ELN: variants seen among roughly 807,000 people sequenced by gnomAD.
ELN encodes the protein tropoelastin.
Under a neutral mutation model 105.8 loss-of-function variants are expected in ELN, and 65 were observed. The ratio of observed to expected loss-of-function variants is 0.61; its 90% CI spans 0.50 to 0.75. ELN has a LOEUF of 0.75. Ranked by LOEUF, ELN falls within the 30% of genes least tolerant of loss-of-function variation. ELN has a pLI of 0.00. For missense variants in ELN, 882 were observed against 969.4 expected (o/e 0.91, Z 1.20); for synonymous variants, 368 against 389.2 (o/e 0.95, Z 0.64).
chr7:74,051,876 G>A (rs782141485), intron 16 of ELN, 37 bp downstream of exon 16: 1 of 1,614,198 alleles, frequency 6.2e-7, no homozygotes, highest in Admixed American at 1.7e-5. Flanking sequence ...GTGTGTCCTT[G>A]AGATGGCCAC....
intron 1 of ELN, among the ~76,000 whole-genome samples, chr7:74,033,250 C>G (rs1283238826): frequency 6.6e-6 from 1 of 152,216 alleles, no homozygotes; most frequent in African/African-American, 2.4e-5. Flanking sequence ...GCTCTTCCCC[C>G]CACCTCCACC....
rs1474413551 is a variant in ELN at position 74,069,281 on chromosome 7, G to T, written c.*581G>T. On this transcript the variant is annotated 3_prime_UTR_variant, in exon 33 of 33. Transcript: ENST00000252034. ...TTCCCCACATCTGGGGCGCTTTTGG[G>T]TTGGAAAACCACCCCACACTGGGAA... is the stretch of plus-strand genomic sequence containing the variant. 4.2e-6 allele frequency: 1 copy of T among 237,602 alleles called. No homozygotes were observed. The highest frequency in any genetic ancestry group is 2.2e-5 in the African/African-American group (1 of 45,346). The allele number at this position is 237,602 out of a possible 1,614,324, so 14.7% of individuals were successfully genotyped here.
chr7:74,066,866 T>A, intron 32 of ELN, 90 bp downstream of exon 32: 1 of 1,445,958 alleles, frequency 6.9e-7, no homozygotes, highest in Non-Finnish European at 9.6e-7. Flanking sequence ...TCAGAAGGGC[T>A]GAGCCAGCAC....
At chr7:74,059,429 C>T in intron 22 of ELN, 1 of 256,164 alleles carries the variant, frequency 3.9e-6, no homozygotes, top group Non-Finnish European at 7.6e-6. Flanking sequence ...CAACTATAAT[C>T]CCAGAACTTT....
chr7:74,045,325 C>T, intron 10 of ELN, 32 bp downstream of exon 10: 1 of 1,612,216 alleles, frequency 6.2e-7, no homozygotes, highest in East Asian at 2.2e-5. Flanking sequence ...GGGCTGATGG[C>T]AGGGACTCTC....
intron 15 of ELN, among the ~76,000 whole-genome samples, chr7:74,048,869 A>C (rs1239699410): frequency 1.3e-5 from 2 of 151,392 alleles, no homozygotes; most frequent in Non-Finnish European, 2.9e-5. Context: ...TCATCCGTCC[A>C]TTCATTCATC....
rs1225397630 is a variant in ELN, at chr7:74,050,321, G to T, written c.800-1429G>T. ...TTCCTCCATGCATCCATTCCTCCAT[G>T]CATCCATCTATCCATCCATCCATTC... is the stretch of plus-strand genomic sequence containing the variant. On this transcript the variant is annotated intron_variant, in intron 15 of 32. Transcript: ENST00000252034. Among the ~76,000 whole-genome samples, 3 of 116,742 alleles carry T rather than the reference G, an allele frequency of 2.6e-5. No homozygotes were observed. In the South Asian group the frequency reaches 8.4e-4, roughly 33 times the overall value. The allele number at this position is 116,742 out of a possible 152,430, so 76.6% of individuals were successfully genotyped here.
At chr7:74,047,531 C>T (rs898104122) in intron 12 of ELN, 144 bp from the exon 13 acceptor site, 3 of 1,134,306 alleles carry the variant, frequency 2.6e-6, no homozygotes, top group East Asian at 2.4e-5. Context: ...CACCCAGCGC[C>T]TTTGCTCTCC....
intron 4 of ELN, 58 bp downstream of exon 4, chr7:74,037,797 C>T (rs2131270114): frequency 6.3e-7 from 1 of 1,593,054 alleles, no homozygotes; most frequent in East Asian, 2.3e-5. Flanking sequence ...GAGGGAGGAG[C>T]CTACCCAGCT....
intron 15 of ELN, 62 bp downstream of exon 15, chr7:74,048,618 A>G: frequency 6.2e-7 from 1 of 1,602,590 alleles, no homozygotes; most frequent in Non-Finnish European, 8.5e-7. Context: ...CATTCCCATT[A>G]CTATTGACAG....
At position 74,068,712 on chromosome 7, in the gene ELN, C is replaced by T. The variant is rs1798533755; in HGVS notation, c.*12C>T. On this transcript the variant is annotated 3_prime_UTR_variant, in exon 33 of 33. Transcript: ENST00000252034. The stretch of plus-strand genomic sequence containing the variant: ...GGAAGAGAAAATGAGCTTCCTAGGA[C>T]CCCTGACTCACGACCTCATCAACGT... 1.2e-6 allele frequency: 2 copies of T among 1,613,998 alleles called. No individual in the cohort carries two copies. Among genetic ancestry groups the T allele is most frequent in the Non-Finnish European group, 8.5e-7 (1 of 1,179,958 alleles).
Position 74,038,514 on chromosome 7 carries a change from G to A in ELN, c.196+775G>A, listed in dbSNP as rs529435427. 2.6e-5 allele frequency among the ~76,000 whole-genome samples: 4 copies of A among 152,352 alleles called. No individual in the cohort carries two copies. In the South Asian group the frequency reaches 8.3e-4, roughly 32 times the overall value. ...GGCCTCGCCCAAGGGGCTGGGATCT[G>A]CCACGAGGGTCCACTCTCAGCTCTG... On this transcript the variant is annotated intron_variant, in intron 4 of 32. Transcript: ENST00000252034.
intron 1 of ELN, among the ~76,000 whole-genome samples, chr7:74,032,072 G>T (rs1167540669): frequency 6.6e-6 from 1 of 152,094 alleles, no homozygotes; most frequent in Admixed American, 6.5e-5. Flanking sequence ...TTCCCATCAT[G>T]GGAGGTATGC....
chr7:74,046,615 G>C (rs1432394775), intron 11 of ELN, 81 bp from the exon 12 acceptor site: 3 of 1,485,446 alleles, frequency 2.0e-6, no homozygotes, highest in Non-Finnish European at 2.8e-6. Flanking sequence ...AGCTCCTTCT[G>C]TCTGAGCAGA....
Position 74,043,013 on chromosome 7 carries a change from G to A in ELN, c.355G>A (p.Gly119Ser), listed in dbSNP as rs1554669674. 6.2e-7 allele frequency: 1 copy of A among 1,614,164 alleles called. No individual in the cohort carries two copies. The highest frequency in any genetic ancestry group is 1.3e-5 in the African/African-American group (1 of 75,040). Residue 119 changes from glycine to serine, a missense_variant, in exon 7 of 33, where the codon GGT becomes AGT. By Grantham distance (56) the Gly-to-Ser change is moderately conservative. Coordinates refer to ENST00000252034, the MANE Select transcript of ELN (RefSeq NM_000501.4). Reference protein sequence around the residue: ...GAGLGGVPGVGGLGVSAGAVV... With the variant: ...GAGLGGVPGVSGLGVSAGAVV... ...TGGGCTTGGTGGTGTCCCAGGAGTT[G>A]GTGGCTTAGGAGTGTCTGCAGGTAC...
Position 74,067,274 on chromosome 7 carries a change from C to CT in ELN, c.2131+509dup, listed in dbSNP as rs111440415. ...TCTCTACTAAAAATACTATAGTCTTCTTTTTTTTTTTGAGATGGAGTCTTG... is the reference window on the plus strand; with the variant it reads ...TCTCTACTAAAAATACTATAGTCTTCTTTTTTTTTTTTGAGATGGAGTCTTG... On this transcript the variant is annotated intron_variant, in intron 32 of 32. Transcript: ENST00000252034. 1.9e-3 allele frequency among the ~76,000 whole-genome samples: 278 copies of CT among 147,236 alleles called. No individual in the cohort carries two copies. The Middle Eastern group carries it at 0.024, about 13-fold the overall frequency.
Position 74,065,683 on chromosome 7 carries a change from C to A in ELN, c.1994-11C>A, listed in dbSNP as rs1238467614. 6.2e-7 allele frequency: 1 copy of A among 1,613,682 alleles called. No individual in the cohort carries two copies. The highest frequency in any genetic ancestry group is 8.5e-7 in the Non-Finnish European group (1 of 1,179,932). ...GGCATTCCTGAGCCGTCATGTGCCT[C>A]ATCTCCCCAGGTATACCTCCAGCTG... On this transcript the variant is annotated splice_polypyrimidine_tract_variant and intron_variant, in intron 29 of 32. Coordinates refer to ENST00000252034, the MANE Select transcript of ELN (RefSeq NM_000501.4).
At chr7:74,029,115 C>G (rs1416056425) in intron 1 of ELN, among the ~76,000 whole-genome samples, 1 of 152,134 alleles carries the variant, frequency 6.6e-6, no homozygotes, top group African/African-American at 2.4e-5. Context: ...GACATGTAGA[C>G]ATGTACACAT....
chr7:74,058,302 C>T lies in ELN; in HGVS notation c.1414+606C>T, dbSNP rs181246508. On this transcript the variant is annotated intron_variant, in intron 22 of 32. Transcript: ENST00000252034. ...CTTCCTCTGCTTCTTTCTCCTCCTTCTTCTCTTCTCTTCCGTCTTTCTTCT... is the reference window on the plus strand; with the variant it reads ...CTTCCTCTGCTTCTTTCTCCTCCTTTTTCTCTTCTCTTCCGTCTTTCTTCT... Among the ~76,000 whole-genome samples, 13 of 150,734 alleles carry T rather than the reference C, an allele frequency of 8.6e-5. No individual in the cohort carries two copies. The East Asian group carries it at 2.1e-3, about 25-fold the overall frequency.
Sources: allele counts gnomAD v4.1 joint callset (sites outside exome capture counted in the v4.1 genomes callset), GRCh38; gene constraint gnomAD v4.1.1; transcripts MANE v1.5; gene names NCBI Gene and HGNC (gene_info 2026-07-23, HGNC 2026-07-21).